The following CHD8 variants were observed in gnomAD, a reference collection of about 807,000 sequenced individuals.
CHD8 encodes the protein ATP-dependent chromatin remodeler CHD8.
Under a neutral mutation model 279.2 loss-of-function variants are expected in CHD8, and 31 were observed. The ratio of observed to expected loss-of-function variants is 0.11; its 90% confidence interval spans 0.08 to 0.15. The LOEUF is 0.15. Among genes scored for constraint, CHD8 ranks in the 10% least tolerant of loss-of-function variants. The pLI is 1.00. For synonymous variants in CHD8, 1,081 were observed against 1,139.6 expected (o/e 0.95, Z 1.04); for missense variants, 2,146 against 3,230.5 (o/e 0.66, Z 8.14).
chr14:21,392,327 G>T, intron 34 of CHD8, 180 bp downstream of exon 34: 1 of 751,396 alleles, frequency 1.3e-6, no homozygotes, highest in Middle Eastern at 2.4e-4. Context: ...ATAATCAATA[G>T]GGTTCAATAA....
chr14:21,387,303 T>G (rs1266066551), intron 37 of CHD8, among the ~76,000 whole-genome samples: 2 of 148,458 alleles, frequency 1.3e-5, no homozygotes, highest in Non-Finnish European at 3.0e-5. Context: ...CTGGCCAACA[T>G]AGCGAAACTC....
At chr14:21,399,472 A>T in intron 26 of CHD8, 130 bp downstream of exon 26, 1 of 678,412 alleles carries the variant, frequency 1.5e-6, no homozygotes, top group Non-Finnish European at 2.7e-6. Flanking sequence ...TTTAAGAACT[A>T]CTTTCCTACT....
At chr14:21,454,184 A>C (rs1379824259) in intron 1 of CHD8, among the ~76,000 whole-genome samples, 1 of 148,066 alleles carries the variant, frequency 6.8e-6, no homozygotes, top group Admixed American at 6.7e-5. Context: ...AAAGAAAAGA[A>C]AAGAAAAGAA....
intron 1 of CHD8, among the ~76,000 whole-genome samples, chr14:21,446,593 G>A (rs997285749): frequency 2.2e-4 from 34 of 152,306 alleles, no homozygotes; most frequent in Admixed American, 1.6e-3. Context: ...TTACTTTGGC[G>A]TGAGCCACAG....
At chr14:21,388,344 G>A (rs1887372265) in intron 37 of CHD8, among the ~76,000 whole-genome samples, 1 of 149,150 alleles carries the variant, frequency 6.7e-6, no homozygotes, top group African/African-American at 2.4e-5. Context: ...AAAATAACAA[G>A]AGAAAATACT....
Position 21,431,033 on chromosome 14 carries a change from T to C in CHD8, c.611A>G (p.Lys204Arg). Residue 204 changes from lysine (K) to arginine (R), a missense_variant, in exon 2 of 38, where the codon AAA becomes AGA. By Grantham distance (26) the Lys-to-Arg change is conservative (BLOSUM62 2). Around this residue, in one of 26 missense-constraint regions of CHD8, gnomAD observed 302 missense variants for 325.5 expected, o/e 0.93. Coordinates refer to ENST00000646647, the MANE Select transcript of CHD8 (RefSeq NM_001170629.2). ...TANGGKVTFT[K>R]VLTGTPLRPG... ...TCGAAGGGGTGTGCCGGTTAGCACT[T>C]TGGTAAAAGTGACTTTTCCACCATT... 3.1e-6 allele frequency: 5 copies of C among 1,599,424 alleles called. No homozygotes were observed. The highest frequency in any genetic ancestry group is 4.2e-6 in the Non-Finnish European group (5 of 1,179,728).
intron 1 of CHD8, among the ~76,000 whole-genome samples, chr14:21,455,572 T>G (rs1314072081): frequency 1.3e-5 from 2 of 152,122 alleles, no homozygotes; most frequent in Non-Finnish European, 2.9e-5. Flanking sequence ...TACCCCATGC[T>G]TTCCTACCCA....
At position 21,405,835 on chromosome 14, in the gene CHD8, T is replaced by C; in HGVS notation, c.2937A>G (p.Pro979=). Residue 979 remains proline, a synonymous_variant, in exon 15 of 38, where the codon CCA becomes CCG. Transcript: ENST00000646647. The surrounding 1 kb of genome is among the most constrained non-coding windows in gnomAD (Gnocchi z 4.2). The part of the protein sequence containing the change: ...LEHKVLLTGT[P]LQNTVEELFS... ...ACAGTTCTTCTACAGTATTTTGCAATGGTGTTCCTGTGAGTAGCACCTTGT... is the reference window on the plus strand; with the variant it reads ...ACAGTTCTTCTACAGTATTTTGCAACGGTGTTCCTGTGAGTAGCACCTTGT... 6.2e-7 allele frequency: 1 copy of C among 1,613,734 alleles called. No individual in the cohort carries two copies. Among genetic ancestry groups the C allele is most frequent in the Non-Finnish European group, 8.5e-7 (1 of 1,179,724 alleles).
intron 2 of CHD8, chr14:21,429,558 C>A (rs1046316809): frequency 1.5e-6 from 1 of 665,176 alleles, no homozygotes; most frequent in Non-Finnish European, 2.8e-6. Context: ...TGGCTATTCA[C>A]AGGCACAACA....
At chr14:21,449,036 T>C (rs1405385775) in intron 1 of CHD8, among the ~76,000 whole-genome samples, 2 of 151,248 alleles carry the variant, frequency 1.3e-5, no homozygotes, top group African/African-American at 2.4e-5. Context: ...TAGCCGGGCG[T>C]GGTGGCGGGC....
intron 1 of CHD8, among the ~76,000 whole-genome samples, chr14:21,446,114 C>T (rs1053136109): frequency 6.6e-6 from 1 of 151,988 alleles, no homozygotes; most frequent in African/African-American, 2.4e-5. Context: ...ATTGCTTGAA[C>T]CCAGGCAGCA....
chr14:21,406,274 A>T (rs535496608), intron 14 of CHD8, among the ~76,000 whole-genome samples: 19 of 152,344 alleles, frequency 1.2e-4, no homozygotes, highest in Middle Eastern at 3.4e-3. Context: ...GTTCACCCCT[A>T]GGCTTGCCTT....
At position 21,391,643 on chromosome 14, in the gene CHD8, C is replaced by A; in HGVS notation, c.6886-1G>T. ...GCTCTTCCATGCACTCCACCTCCAGCTGCAAACCCAGAATCCACCCCCATG... is the reference window on the plus strand; with the variant it reads ...GCTCTTCCATGCACTCCACCTCCAGATGCAAACCCAGAATCCACCCCCATG... On this transcript the variant is annotated splice_acceptor_variant, in intron 35 of 37. Transcript: ENST00000646647. LOFTEE classifies it high-confidence loss of function. The A allele has an allele frequency of 1.3e-6, 2 of 1,585,112 alleles. No homozygotes were observed. Among genetic ancestry groups the A allele is most frequent in the Non-Finnish European group, 1.7e-6 (2 of 1,165,270 alleles).
Position 21,405,918 on chromosome 14 carries a change from G to T in CHD8, c.2908-54C>A. 1.4e-6 allele frequency: 2 copies of T among 1,434,916 alleles called. No homozygotes were observed. The highest frequency in any genetic ancestry group is 9.6e-7 in the Non-Finnish European group (1 of 1,044,962). 88.9% of individuals were successfully genotyped at this position (1,434,916 alleles called of 1,614,324 possible). On this transcript the variant is annotated intron_variant, in intron 14 of 37. Transcript: ENST00000646647. This position sits in a 1 kb window ranked among gnomAD's most constrained non-coding sequence, Gnocchi z 4.2. ...ATTTAAAAACATGAAGGACTTCTGG[G>T]GTTTCCTATCAAGTATATAATCTTT...
intron 8 of CHD8, 22 bp from the exon 9 acceptor site, chr14:21,414,440 A>G (rs1888632146): frequency 1.6e-6 from 2 of 1,283,456 alleles, no homozygotes; most frequent in Non-Finnish European, 2.2e-6. Flanking sequence ...GGAAAAATCC[A>G]GTCATGGTGC....
intron 1 of CHD8, among the ~76,000 whole-genome samples, chr14:21,441,705 G>A (rs570043344): frequency 1.1e-3 from 165 of 152,116 alleles, no homozygotes; most frequent in African/African-American, 2.4e-3. Flanking sequence ...TGGCTAACAC[G>A]GTGAAACCCC....
chr14:21,426,454 A>C, intron 4 of CHD8: 2 of 489,296 alleles, frequency 4.1e-6, no homozygotes, highest in Non-Finnish European at 7.2e-6. Context: ...ACCATATTTG[A>C]CAAATCCTTG....
rs1887653383 is a variant in CHD8 at position 21,393,825 on chromosome 14, G to C, written c.5970C>G (p.Thr1990=). The C allele has an allele frequency of 3.1e-6, 5 of 1,614,022 alleles. No individual in the cohort carries two copies. The highest frequency in any genetic ancestry group is 4.2e-6 in the Non-Finnish European group (5 of 1,179,900). ...CSTPLLHQQY[T]SRTASPLPLR... ...GGGGCAGTGGTGAGGCAGTGCGTGA[G>C]GTATACTGCTGGTGCAGCAGTGGAG... Residue 1990 remains threonine (T), a synonymous_variant, in exon 32 of 38, where the codon ACC becomes ACG. Coordinates refer to ENST00000646647, the MANE Select transcript of CHD8 (RefSeq NM_001170629.2).
chr14:21,395,997 CTT>C, intron 27 of CHD8, 105 bp from the exon 28 acceptor site: 1 of 773,442 alleles, frequency 1.3e-6, no homozygotes, highest in Non-Finnish European at 2.2e-6. Flanking sequence ...ATGAAATAAT[CTT>C]TATTAGTATT....
Sources: allele counts gnomAD v4.1 joint callset (sites outside exome capture counted in the v4.1 genomes callset), GRCh38; gene constraint gnomAD v4.1.1; regional missense constraint gnomAD v4.1.1; non-coding constraint Gnocchi (gnomAD v3.1); transcripts MANE v1.5; gene names NCBI Gene and HGNC (gene_info 2026-07-23, HGNC 2026-07-21).